Variants in DYNC1LI1 observed in about 807,000 individuals in gnomAD.
The protein encoded by DYNC1LI1 is cytoplasmic dynein 1 light intermediate chain 1.
A neutral mutation model predicts 63.8 loss-of-function variants in DYNC1LI1; 19 were observed. That is an observed-to-expected ratio of 0.30 (90% confidence interval 0.21 to 0.44). The LOEUF (loss-of-function observed/expected upper bound fraction) is 0.44, where lower values mean the gene tolerates loss of function less well. DYNC1LI1 is among the 20% of genes least tolerant of loss of function. DYNC1LI1 has a pLI of 1.00. For missense variants in DYNC1LI1, 565 were observed against 630.2 expected, an observed-to-expected ratio of 0.90 and a Z score of 1.11; for synonymous variants, 225 against 232.3, an observed-to-expected ratio of 0.97 and a Z score of 0.28.
chr3:32,539,437 G>T (rs755888134), intron 5 of DYNC1LI1, among the ~76,000 whole-genome samples: 5 of 152,014 alleles, frequency 3.3e-5, no homozygotes. Flanking sequence ...GGTCTCAAAA[G>T]GACTTATGTT....
At chr3:32,561,046 A>T (rs1051464713) in intron 2 of DYNC1LI1, among the ~76,000 whole-genome samples, 1 of 149,030 alleles carries the variant, frequency 6.7e-6, no homozygotes, top group Admixed American at 6.7e-5. Flanking sequence ...AACAAAAAAA[A>T]CACACACACA....
chr3:32,528,730 G>C (rs1477977253), intron 11 of DYNC1LI1, 129 bp from the exon 12 acceptor site: 17 of 880,994 alleles, frequency 1.9e-5, no homozygotes, highest in African/African-American at 3.5e-5. Context: ...CCAAATTCAA[G>C]TCTAGTTTGA....
intron 3 of DYNC1LI1, chr3:32,545,581 G>A: frequency 2.4e-6 from 1 of 418,168 alleles, no homozygotes. Flanking sequence ...ACTATCTGAG[G>A]GAAGATGAAC....
intron 12 of DYNC1LI1, 63 bp from the exon 13 acceptor site, chr3:32,526,971 A>G (rs1697627822): frequency 5.4e-6 from 6 of 1,111,582 alleles, no homozygotes; most frequent in East Asian, 2.4e-5. Flanking sequence ...GTTTTCACCA[A>G]TATCTCTTCA....
chr3:32,566,201 G>A (rs986173624), intron 2 of DYNC1LI1, among the ~76,000 whole-genome samples: 3 of 152,064 alleles, frequency 2.0e-5, no homozygotes, highest in Non-Finnish European at 2.9e-5. Flanking sequence ...GAGCCCAGGA[G>A]GCAGAGGTTG....
intron 2 of DYNC1LI1, among the ~76,000 whole-genome samples, chr3:32,553,591 C>T (rs986105827): frequency 6.6e-6 from 1 of 152,220 alleles, no homozygotes; most frequent in African/African-American, 2.4e-5. Context: ...AATTATGTCC[C>T]TTCGCCCATA....
chr3:32,549,724 GAA>G (rs1340641078), intron 2 of DYNC1LI1, among the ~76,000 whole-genome samples: 1 of 152,066 alleles, frequency 6.6e-6, no homozygotes, highest in Non-Finnish European at 1.5e-5. Flanking sequence ...GTTAGAAAAT[GAA>G]AAGACACTAC....
rs746116562 is a variant in DYNC1LI1 at position 32,570,256 on chromosome 3, G to C, written c.220+90C>G. 170 of 1,079,638 alleles carry C rather than the reference G, an allele frequency of 1.6e-4. 1 individual carries two copies. The highest frequency in any genetic ancestry group is 2.2e-4 in the Non-Finnish European group (163 of 726,810). The allele number at this position is 1,079,638 out of a possible 1,614,324, so 66.9% of individuals were successfully genotyped here. On this transcript the variant is annotated intron_variant, in intron 2 of 12. Coordinates refer to ENST00000273130, the MANE Select transcript of DYNC1LI1 (RefSeq NM_016141.4). ...CGGGGCGGGGCTGGGCCGGCTGTCCGCACAAAGAGAGCCAGCGAGCTAGCC... is the reference window on the plus strand; with the variant it reads ...CGGGGCGGGGCTGGGCCGGCTGTCCCCACAAAGAGAGCCAGCGAGCTAGCC...
At chr3:32,555,106 G>C (rs1396140638) in intron 2 of DYNC1LI1, among the ~76,000 whole-genome samples, 1 of 152,130 alleles carries the variant, frequency 6.6e-6, no homozygotes, top group Non-Finnish European at 1.5e-5. Context: ...CTGGCCTCAA[G>C]TGATCTGCCC....
intron 4 of DYNC1LI1, among the ~76,000 whole-genome samples, chr3:32,544,399 C>T (rs915544525): frequency 3.3e-5 from 5 of 152,168 alleles, no homozygotes; most frequent in East Asian, 1.9e-4. Context: ...CTCTACTAAA[C>T]AGTTTACCAT....
intron 7 of DYNC1LI1, 51 bp downstream of exon 7, chr3:32,534,460 A>G (rs754652311): frequency 7.5e-6 from 10 of 1,338,376 alleles, no homozygotes; most frequent in Non-Finnish European, 1.0e-5. Context: ...ATTCACCATC[A>G]AATAGTAGCA....
At chr3:32,564,830 A>G (rs1041818230) in intron 2 of DYNC1LI1, among the ~76,000 whole-genome samples, 1 of 152,006 alleles carries the variant, frequency 6.6e-6, no homozygotes. Context: ...TAGACTGAAC[A>G]CTCTCATTAT....
At chr3:32,562,762 C>G (rs1698210259) in intron 2 of DYNC1LI1, among the ~76,000 whole-genome samples, 1 of 151,960 alleles carries the variant, frequency 6.6e-6, no homozygotes, top group South Asian at 2.1e-4. Context: ...TCTTTTAATC[C>G]CATGATGCAT....
chr3:32,526,703 A>C lies in DYNC1LI1; in HGVS notation c.*96T>G, dbSNP rs1575146079. 2.3e-6 allele frequency: 2 copies of C among 875,728 alleles called. No homozygotes were observed. The highest frequency in any genetic ancestry group is 2.5e-5 in the East Asian group (1 of 39,696). The allele number at this position is 875,728 out of a possible 1,614,324, so 54.2% of individuals were successfully genotyped here. ...CGACATAAATTTAGTCCATCTGAAG[A>C]AGCACTCCAGCTTTCTAATTCCACT... is the stretch of plus-strand genomic sequence containing the variant. On this transcript the variant is annotated 3_prime_UTR_variant, in exon 13 of 13. Transcript: ENST00000273130.
At chr3:32,545,696 T>G in intron 3 of DYNC1LI1, 153 bp downstream of exon 3, 1 of 669,502 alleles carries the variant, frequency 1.5e-6, no homozygotes, top group South Asian at 1.7e-5. Flanking sequence ...CCCAAATTAA[T>G]AAAAGTATGG....
Position 32,526,841 on chromosome 3 carries a change from A to C in DYNC1LI1, c.1530T>G (p.Ser510=), listed in dbSNP as rs1161427066. 1 of 1,613,924 alleles carries C rather than the reference A, an allele frequency of 6.2e-7. No individual in the cohort carries two copies. The highest frequency in any genetic ancestry group is 8.5e-7 in the Non-Finnish European group (1 of 1,179,908). Residue 510 remains serine (S), a synonymous_variant, in exon 13 of 13, where the codon TCT becomes TCG. Coordinates refer to ENST00000273130, the MANE Select transcript of DYNC1LI1 (RefSeq NM_016141.4). ...DRITRKPVTV[S]PTTPTSPTEG... ...CCGTAGGAGATGTAGGTGTTGTGGG[A>C]GAAACTGTAACTGGTTTTCGTGTAA...
At chr3:32,566,461 T>C (rs1277299027) in intron 2 of DYNC1LI1, among the ~76,000 whole-genome samples, 1 of 152,142 alleles carries the variant, frequency 6.6e-6, no homozygotes, top group African/African-American at 2.4e-5. Context: ...GCTATTAAAA[T>C]ACAAATATGC....
At chr3:32,569,134 C>G (rs1252511639) in intron 2 of DYNC1LI1, among the ~76,000 whole-genome samples, 1 of 152,118 alleles carries the variant, frequency 6.6e-6, no homozygotes, top group Non-Finnish European at 1.5e-5. Flanking sequence ...TCTATAACAA[C>G]CATTTTAAAG....
At chr3:32,568,435 T>C (rs898610747) in intron 2 of DYNC1LI1, among the ~76,000 whole-genome samples, 7 of 152,186 alleles carry the variant, frequency 4.6e-5, no homozygotes, top group African/African-American at 1.4e-4. Flanking sequence ...AAAATCCCAA[T>C]AGTACTGAAA....
Sources: allele counts gnomAD v4.1 joint callset (sites outside exome capture counted in the v4.1 genomes callset), GRCh38; gene constraint gnomAD v4.1.1; transcripts MANE v1.5; gene names NCBI Gene and HGNC (gene_info 2026-07-23, HGNC 2026-07-21).